Variants in DNAAF10 observed in about 807,000 individuals in gnomAD.
The protein encoded by DNAAF10 is dynein axonemal assembly factor 10.
DNAAF10 carries 28 observed loss-of-function variants against 43.7 expected under a neutral mutation model. That is an observed-to-expected ratio of 0.64 (90% CI 0.48 to 0.88). DNAAF10 has a LOEUF of 0.88. Among genes scored for constraint, DNAAF10 ranks in the 40% least tolerant of loss-of-function variants. The pLI is 0.00. For synonymous variants in DNAAF10, 156 were observed against 157.3 expected (o/e 0.99, Z 0.06); for missense variants, 403 against 439.1 (o/e 0.92, Z 0.73).
chr2:68,137,739 C>T (rs538077667), intron 5 of DNAAF10, among the ~76,000 whole-genome samples: 11 of 151,888 alleles, frequency 7.2e-5, no homozygotes, highest in Admixed American at 2.0e-4. Context: ...TGGTGGCGTG[C>T]GCCTGTAGTC....
chr2:68,155,225 C>G (rs1333700282), intron 1 of DNAAF10, among the ~76,000 whole-genome samples: 2 of 151,986 alleles, frequency 1.3e-5, no homozygotes, highest in African/African-American at 2.4e-5. Flanking sequence ...GGTGCAATGG[C>G]TCATGTCTGT....
At chr2:68,139,803 C>CAA (rs769593748) in intron 4 of DNAAF10, among the ~76,000 whole-genome samples, 1 of 118,384 alleles carries the variant, frequency 8.4e-6, no homozygotes, top group African/African-American at 3.1e-5. Flanking sequence ...GACTCTGTCT[C>CAA]AAAAAAAAAA....
rs370358544 is a variant in DNAAF10, at chr2:68,141,798, G to A, written c.416-3C>T. On this transcript the variant is annotated splice_polypyrimidine_tract_variant and splice_region_variant and intron_variant, in intron 3 of 7. Coordinates refer to ENST00000295121, the MANE Select transcript of DNAAF10 (RefSeq NM_138458.4). Reference sequence around the variant, plus strand: ...TGGGTCCCACACCTTCACAGTTCCTGCCATGCATAAAAGTGAGTTGGCAAA... The same window carrying A: ...TGGGTCCCACACCTTCACAGTTCCTACCATGCATAAAAGTGAGTTGGCAAA... 21 of 1,613,136 alleles carry A rather than the reference G, an allele frequency of 1.3e-5. No homozygotes were observed. The African/African-American group carries it at 2.7e-4, about 21-fold the overall frequency.
At chr2:68,154,104 A>G (rs1673526819) in intron 1 of DNAAF10, among the ~76,000 whole-genome samples, 1 of 152,064 alleles carries the variant, frequency 6.6e-6, no homozygotes, top group Non-Finnish European at 1.5e-5. Flanking sequence ...CTTTTTGGAC[A>G]GTAGGCTCTT....
intron 1 of DNAAF10, among the ~76,000 whole-genome samples, chr2:68,148,377 G>A (rs1372953979): frequency 6.6e-6 from 1 of 152,180 alleles, no homozygotes; most frequent in Non-Finnish European, 1.5e-5. Flanking sequence ...AGGATACAAA[G>A]ATGAATGAGA....
intron 2 of DNAAF10, among the ~76,000 whole-genome samples, chr2:68,146,013 G>A (rs1673307189): frequency 1.3e-5 from 2 of 152,126 alleles, no homozygotes; most frequent in South Asian, 2.1e-4. Flanking sequence ...TGTAATCCCA[G>A]AACTTTGGGA....
Position 68,134,683 on chromosome 2 carries a change from T to C in DNAAF10, c.866+19A>G, listed in dbSNP as rs112790072. On this transcript the variant is annotated intron_variant, in intron 7 of 7. Coordinates refer to ENST00000295121, the MANE Select transcript of DNAAF10 (RefSeq NM_138458.4). ...CCACAGGTAACTTTAAAAGGAGCAGTGTGCACTGGCAGACTTACTACTTCC... is the reference window on the plus strand; with the variant it reads ...CCACAGGTAACTTTAAAAGGAGCAGCGTGCACTGGCAGACTTACTACTTCC... 9.3e-6 allele frequency: 15 copies of C among 1,605,464 alleles called. No homozygotes were observed. In the South Asian group the frequency reaches 1.1e-4, roughly 12 times the overall value.
At chr2:68,132,519 C>T (rs979024435) in intron 7 of DNAAF10, among the ~76,000 whole-genome samples, 9 of 152,212 alleles carry the variant, frequency 5.9e-5, no homozygotes, top group Admixed American at 4.6e-4. Context: ...TCCATATTAT[C>T]TGTTGAAGTT....
intron 2 of DNAAF10, among the ~76,000 whole-genome samples, 163 bp from the exon 3 acceptor site, chr2:68,144,878 C>T: frequency 6.6e-6 from 1 of 152,084 alleles, no homozygotes; most frequent in South Asian, 2.1e-4. Flanking sequence ...ATTTTCTCTC[C>T]ATTCAACTTC....
At chr2:68,137,165 G>T (rs750465451) in intron 6 of DNAAF10, 134 bp downstream of exon 6, 1 of 997,258 alleles carries the variant, frequency 1.0e-6, no homozygotes, top group Non-Finnish European at 1.3e-6. Context: ...AACTTGTCAA[G>T]ATCTCACAGG....
chr2:68,137,866 CA>C lies in DNAAF10; in HGVS notation c.634-434del, dbSNP rs1307063343. 1.4e-4 allele frequency among the ~76,000 whole-genome samples: 16 copies of C among 113,128 alleles called. No individual in the cohort carries two copies. The East Asian group carries it at 1.6e-3, about 11-fold the overall frequency. The allele number at this position is 113,128 out of a possible 152,430, so 74.2% of individuals were successfully genotyped here. On this transcript the variant is annotated intron_variant, in intron 5 of 7. Coordinates refer to ENST00000295121, the MANE Select transcript of DNAAF10 (RefSeq NM_138458.4). ...TGGGCGACAGAGTGAGACTCTGTCT[CA>C]AAAAAAAAACATTTTTTTTTTTTTT... is the stretch of plus-strand genomic sequence containing the variant.
rs963248009 is a variant in DNAAF10 at position 68,130,225 on chromosome 2, G to C, written c.*1013C>G. 2.0e-5 allele frequency: 3 copies of C among 150,612 alleles called. No individual in the cohort carries two copies. The highest frequency in any genetic ancestry group is 4.4e-5 in the Non-Finnish European group (3 of 67,728). 9.3% of individuals were successfully genotyped at this position (150,612 alleles called of 1,614,324 possible). A position where few individuals can be genotyped will look rare whatever the true frequency, so the allele number is the denominator to read the frequency against. On this transcript the variant is annotated 3_prime_UTR_variant, in exon 8 of 8. Transcript: ENST00000295121. ...AGCTCACTGCAATCTCCACCTCCTG[G>C]GTTCAAGTGATTCTCCTGCCTCAGC...
chr2:68,136,172 C>T (rs941716889), intron 6 of DNAAF10, among the ~76,000 whole-genome samples: 2 of 142,092 alleles, frequency 1.4e-5, no homozygotes, highest in South Asian at 2.4e-4. Flanking sequence ...GAGCCATAAT[C>T]ATGCCACTGC....
In DNAAF10 at chr2:68,157,285, G is replaced by A. The variant is rs1338964904; in HGVS notation, c.159C>T (p.His53=). Reference sequence around the variant, plus strand: ...CCTCCCGAAGCAGCTTCAGGTCCCCGTGCTGGATCTCGTACAGCTGAATGA... The same window carrying A: ...CCTCCCGAAGCAGCTTCAGGTCCCCATGCTGGATCTCGTACAGCTGAATGA... ...TGVIQLYEIQ[H]GDLKLLREIE... Residue 53 remains histidine, a synonymous_variant, in exon 1 of 8, where the codon CAC becomes CAT. Coordinates refer to ENST00000295121, the MANE Select transcript of DNAAF10 (RefSeq NM_138458.4). 8.7e-6 allele frequency: 14 copies of A among 1,613,994 alleles called. No individual in the cohort carries two copies. Among genetic ancestry groups the A allele is most frequent in the Middle Eastern group, 1.7e-4 (1 of 6,060 alleles).
At chr2:68,134,441 G>C (rs909484078) in intron 7 of DNAAF10, 41 of 1,238,192 alleles carry the variant, frequency 3.3e-5, no homozygotes, top group Admixed American at 8.7e-5. Context: ...AAAAGTCTTG[G>C]GCCAACTTTT....
chr2:68,156,191 A>T (rs898912178), intron 1 of DNAAF10, among the ~76,000 whole-genome samples: 1 of 152,042 alleles, frequency 6.6e-6, no homozygotes. Context: ...GAAAAAAATA[A>T]GCCATGTTTC....
At chr2:68,152,527 G>T (rs1673483125) in intron 1 of DNAAF10, among the ~76,000 whole-genome samples, 1 of 151,884 alleles carries the variant, frequency 6.6e-6, no homozygotes, top group Admixed American at 6.6e-5. Flanking sequence ...TCACAAACGG[G>T]TTCCCTCTCT....
intron 7 of DNAAF10, chr2:68,133,940 C>T (rs765568405): frequency 8.1e-5 from 15 of 185,064 alleles, no homozygotes; most frequent in Non-Finnish European, 1.4e-4. Context: ...TTTCTTCTTA[C>T]ATTATTAATG....
At chr2:68,147,446 A>T (rs763352138) in intron 2 of DNAAF10, 21 bp downstream of exon 2, 1 of 1,577,788 alleles carries the variant, frequency 6.3e-7, no homozygotes, top group Non-Finnish European at 8.7e-7. Flanking sequence ...ATCTGTCTGA[A>T]TACTGACTAA....
Sources: allele counts gnomAD v4.1 joint callset (sites outside exome capture counted in the v4.1 genomes callset), GRCh38; gene constraint gnomAD v4.1.1; transcripts MANE v1.5; gene names NCBI Gene and HGNC (gene_info 2026-07-23, HGNC 2026-07-21).